PGD: variants seen among roughly 807,000 people sequenced by gnomAD.
PGD encodes the protein phosphogluconate dehydrogenase.
Under a neutral mutation model 60.4 loss-of-function variants are expected in PGD, and 21 were observed. That is an observed-to-expected ratio of 0.35 (90% CI 0.25 to 0.50). The LOEUF is 0.50. PGD is among the 20% of genes least tolerant of loss of function. The pLI is 0.98. For synonymous variants in PGD, 230 were observed against 235.9 expected (o/e 0.97, Z 0.23); for missense variants, 477 against 613.1 (o/e 0.78, Z 2.34).
chr1:10,417,390 C>A lies in PGD; in HGVS notation c.990C>A (p.Ser330=). 2 of 1,611,374 alleles carry A rather than the reference C, an allele frequency of 1.2e-6. No homozygotes were observed. The highest frequency in any genetic ancestry group is 1.7e-6 in the Non-Finnish European group (2 of 1,178,920). The change falls in exon 10 of 13, where the codon TCC becomes TCA. Residue 330 remains serine (S), a synonymous_variant. Transcript: ENST00000270776. The part of the protein sequence containing the change: ...LEDIRKALYA[S]KIISYAQGFM... ...TCACTCTTTAGGCACTCTACGCTTC[C>A]AAGATCATCTCTTACGCTCAAGGCT...
At chr1:10,414,095 C>G (rs1307164005) in intron 8 of PGD, among the ~76,000 whole-genome samples, 1 of 152,100 alleles carries the variant, frequency 6.6e-6, no homozygotes, top group African/African-American at 2.4e-5. Context: ...CTTGTGTACT[C>G]AGAAATTATT....
At chr1:10,402,559 G>T (rs1210335841) in intron 3 of PGD, among the ~76,000 whole-genome samples, 1 of 150,714 alleles carries the variant, frequency 6.6e-6, no homozygotes, top group African/African-American at 2.4e-5. Flanking sequence ...GTCTCACTCT[G>T]TCCCCCAGGC....
Position 10,399,620 on chromosome 1 carries a change from CCT to C in PGD, c.9-4_9-3del, listed in dbSNP as rs770311762. 34 of 1,612,724 alleles carry C rather than the reference CCT, an allele frequency of 2.1e-5. No homozygotes were observed. The East Asian group carries it at 7.4e-4, about 35-fold the overall frequency. ...GACTCTTTCCTTTGTTCTGTTTCTG[CCT>C]CTCTAGAGCTGACATCGCGCTGATC... On this transcript the variant is annotated splice_region_variant and splice_polypyrimidine_tract_variant and intron_variant, in intron 1 of 12. Transcript: ENST00000270776.
At chr1:10,406,627 A>G (rs1158820385) in intron 5 of PGD, among the ~76,000 whole-genome samples, 1 of 152,142 alleles carries the variant, frequency 6.6e-6, no homozygotes, top group Non-Finnish European at 1.5e-5. Flanking sequence ...TTCATCCCTA[A>G]TCCTAAATGT....
intron 7 of PGD, among the ~76,000 whole-genome samples, chr1:10,412,153 T>C (rs1435677609): frequency 6.6e-6 from 1 of 152,252 alleles, no homozygotes; most frequent in Non-Finnish European, 1.5e-5. Context: ...TACTTTTGTT[T>C]TCCCTAAATA....
chr1:10,418,600 C>A (rs1030136162), intron 10 of PGD, among the ~76,000 whole-genome samples: 2 of 151,960 alleles, frequency 1.3e-5, no homozygotes, highest in Non-Finnish European at 2.9e-5. Context: ...CACGGTGAAA[C>A]CCTGTCTCTA....
chr1:10,403,689 C>T (rs751827971), intron 4 of PGD, among the ~76,000 whole-genome samples: 7 of 151,052 alleles, frequency 4.6e-5, no homozygotes, highest in Non-Finnish European at 8.8e-5. Flanking sequence ...CTGAGAATTA[C>T]GTTTTAACTC....
rs1389592250 is a variant in PGD at position 10,420,463 on chromosome 1, A to G, written c.*714A>G. Among the ~76,000 whole-genome samples the G allele has an allele frequency of 6.9e-6, 1 of 144,546 alleles. No homozygotes were observed. The highest frequency in any genetic ancestry group is 2.6e-5 in the African/African-American group (1 of 38,764). The allele number at this position is 144,546 out of a possible 152,430, so 94.8% of individuals were successfully genotyped here. On this transcript the variant is annotated 3_prime_UTR_variant, in exon 13 of 13. Transcript: ENST00000270776. ...TTCTTTATGGCTTTTTGTATGTCAA[A>G]TACTTCATACTAAACTTTCTAGAGA...
rs766336844 is a variant in PGD at position 10,419,369 on chromosome 1, G to A, written c.1210-48G>A. The A allele has an allele frequency of 8.6e-5, 136 of 1,585,046 alleles. 4 individuals are homozygous for A. The East Asian group carries it at 2.8e-3, about 33-fold the overall frequency. On this transcript the variant is annotated intron_variant, in intron 11 of 12. Coordinates refer to ENST00000270776, the MANE Select transcript of PGD (RefSeq NM_002631.4). ...TTGATATGAATGAAAATCTATCCGC[G>A]TCACCAGGGGCAGATCACTAATCTC... is the stretch of plus-strand genomic sequence containing the variant.
chr1:10,402,513 T>C (rs1343037377), intron 3 of PGD, among the ~76,000 whole-genome samples: 4 of 151,152 alleles, frequency 2.6e-5, no homozygotes, highest in Non-Finnish European at 5.9e-5. Context: ...ATGGTGAGAC[T>C]CCATCTCAAA....
At chr1:10,407,805 G>A (rs1639432140) in intron 5 of PGD, among the ~76,000 whole-genome samples, 1 of 152,062 alleles carries the variant, frequency 6.6e-6, no homozygotes. Flanking sequence ...AATGAGCTGG[G>A]TGTGGTGTCA....
At chr1:10,412,816 GGAGCCCTTGCCTC>G in intron 7 of PGD, 1 of 424,786 alleles carries the variant, frequency 2.4e-6, no homozygotes. Context: ...AGTGAAGTGA[GGAGCCCTTGCCTC>G]TGAGGAGACA....
intron 5 of PGD, among the ~76,000 whole-genome samples, chr1:10,405,642 C>T (rs1482488163): frequency 2.6e-5 from 4 of 151,090 alleles, no homozygotes; most frequent in African/African-American, 9.7e-5. Flanking sequence ...GAGTTCAAGA[C>T]CAGCCTGGCC....
chr1:10,415,329 A>G (rs984635331), intron 8 of PGD: 2 of 152,228 alleles, frequency 1.3e-5, no homozygotes, highest in Non-Finnish European at 2.9e-5. Flanking sequence ...GAGCCATAAC[A>G]TAGGTGAGGA....
At chr1:10,413,901 T>C (rs1295038657) in intron 8 of PGD, among the ~76,000 whole-genome samples, 2 of 139,384 alleles carry the variant, frequency 1.4e-5, no homozygotes, top group Non-Finnish European at 3.0e-5. Context: ...CGAGACTTCG[T>C]CTCAAAAAAA....
rs1557765838 is a variant in PGD at position 10,417,087 on chromosome 1, TAAG to T, written c.948_950del (p.Lys317del). 6.2e-7 allele frequency: 1 copy of T among 1,614,006 alleles called. No individual in the cohort carries two copies. Among genetic ancestry groups the T allele is most frequent in the Non-Finnish European group, 8.5e-7 (1 of 1,179,910 alleles). ...CCCAGAAGTTCCAGTTTGATGGTGA[TAAG>T]AAATCATTCCTGGAGGACATTCGGA... is the stretch of plus-strand genomic sequence containing the variant. On this transcript the variant is annotated inframe_deletion, in exon 9 of 13. Transcript: ENST00000270776.
intron 8 of PGD, among the ~76,000 whole-genome samples, chr1:10,414,116 T>C (rs1639553133): frequency 1.3e-5 from 2 of 152,130 alleles, no homozygotes; most frequent in African/African-American, 4.8e-5. Flanking sequence ...AAAAATTTAC[T>C]TTTTTCCCCT....
At chr1:10,399,266 T>C (rs1262602250) in intron 1 of PGD, 141 bp downstream of exon 1, 64 of 997,470 alleles carry the variant, frequency 6.4e-5, no homozygotes, top group Non-Finnish European at 7.2e-5. Context: ...ACCCTGGCCC[T>C]ACGGCGTCTC....
At chr1:10,416,879 T>A in intron 8 of PGD, 108 bp from the exon 9 acceptor site, 1 of 995,386 alleles carries the variant, frequency 1.0e-6, no homozygotes, top group East Asian at 2.6e-5. Flanking sequence ...CTTCACTTGC[T>A]TCAGGCCATC....
Sources: allele counts gnomAD v4.1 joint callset (sites outside exome capture counted in the v4.1 genomes callset), GRCh38; gene constraint gnomAD v4.1.1; transcripts MANE v1.5; gene names NCBI Gene and HGNC (gene_info 2026-07-23, HGNC 2026-07-21).